The following HDGF variants were observed in gnomAD, a reference collection of about 807,000 sequenced individuals.
HDGF encodes hepatoma-derived growth factor.
HDGF carries 5 observed loss-of-function variants against 30.0 expected under a neutral mutation model. The observed-to-expected ratio is 0.17, with a 90% CI of 0.09 to 0.35. HDGF has a LOEUF of 0.35. Ranked by LOEUF, HDGF falls within the 10% of genes least tolerant of loss-of-function variation. The pLI is 1.00. For synonymous variants in HDGF, 133 were observed against 112.7 expected (o/e 1.18, Z -1.14); for missense variants, 214 against 302.8 (o/e 0.71, Z 2.18).
Position 156,744,347 on chromosome 1 carries a change from G to C in HDGF, c.305C>G (p.Ser102Cys), listed in dbSNP as rs1350362694. The C allele has an allele frequency of 6.2e-7, 1 of 1,613,770 alleles. No homozygotes were observed. The highest frequency in any genetic ancestry group is 8.5e-7 in the Non-Finnish European group (1 of 1,180,004). ...TTCCACACAGCTCTTTTTCTGGGAG[G>C]ACTGCAGCAGAGACAGCACAGGCTG... Reference protein sequence around the residue: ...NPTVKASGYQSSQKKSCVEEP... With the variant: ...NPTVKASGYQCSQKKSCVEEP... Residue 102 changes from serine to cysteine, a missense_variant and splice_region_variant, in exon 4 of 6, where the codon TCC becomes TGC. By Grantham distance (112) the Ser-to-Cys change is moderately radical. Transcript: ENST00000357325.
At chr1:156,765,457 C>CTTCT (rs1186097953) in intron 1 of HDGF, among the ~76,000 whole-genome samples, 35 of 105,042 alleles carry the variant, frequency 3.3e-4, no homozygotes, top group African/African-American at 1.1e-3. Flanking sequence ...TCCTTCTTTC[C>CTTCT]TTCTTTCTTT....
intron 1 of HDGF, among the ~76,000 whole-genome samples, chr1:156,749,764 G>C (rs762174399): frequency 6.7e-6 from 1 of 148,762 alleles, no homozygotes; most frequent in African/African-American, 2.5e-5. Flanking sequence ...ATGCAGAAGG[G>C]GTTCCCTGCA....
In HDGF at chr1:156,760,330, G is replaced by A. The variant is rs537774460; in HGVS notation, n.137-1111C>T. The stretch of plus-strand genomic sequence containing the variant: ...AGAGGCCTGGGGAGGAGAGGACTCA[G>A]GGAGGCGTGTGGGTGAGGGGGGGCC... On this transcript the variant is annotated intron_variant and non_coding_transcript_variant, in intron 1 of 7. Transcript: ENST00000465180. Among the ~76,000 whole-genome samples the A allele has an allele frequency of 1.9e-3, 284 of 152,310 alleles. 1 individual carries two copies. Among genetic ancestry groups the A allele is most frequent in the African/African-American group, 6.4e-3 (265 of 41,558 alleles).
At chr1:156,747,318 C>T (rs1250277989) in intron 1 of HDGF, 1 of 144,260 alleles carries the variant, frequency 6.9e-6, no homozygotes, top group East Asian at 2.2e-4. Flanking sequence ...ACACCCCACC[C>T]CCAAGCCTGC....
upstream of HDGF, among the ~76,000 whole-genome samples, chr1:156,754,403 A>G (rs528475393): frequency 1.9e-3 from 287 of 152,342 alleles, 1 homozygote; most frequent in African/African-American, 6.4e-3. Flanking sequence ...GCTGGTTGCA[A>G]TAATACAACC....
intron 1 of HDGF, among the ~76,000 whole-genome samples, chr1:156,760,347 G>T (rs557897180): frequency 1.3e-5 from 2 of 152,068 alleles, no homozygotes; most frequent in Non-Finnish European, 2.9e-5. Context: ...GTGTGGGTGA[G>T]GGGGGGCCAA....
At chr1:156,747,548 G>A (rs1272849674) in intron 1 of HDGF, 1 of 152,046 alleles carries the variant, frequency 6.6e-6, no homozygotes, top group East Asian at 1.9e-4. Flanking sequence ...AGCGCCCCCA[G>A]GGGTTAGAGA....
chr1:156,754,682 G>A (rs1027740140), upstream of HDGF, among the ~76,000 whole-genome samples: 8 of 151,668 alleles, frequency 5.3e-5, no homozygotes, highest in Admixed American at 1.3e-4. Context: ...GGTGGCTCAC[G>A]CCTGTAATCC....
upstream of HDGF, among the ~76,000 whole-genome samples, chr1:156,756,746 T>G (rs1184790445): frequency 6.6e-6 from 1 of 152,132 alleles, no homozygotes; most frequent in Non-Finnish European, 1.5e-5. Context: ...AACTCCTCTG[T>G]ATATAGATAC....
At chr1:156,749,336 G>A (rs1183976597) in intron 1 of HDGF, among the ~76,000 whole-genome samples, 2 of 152,244 alleles carry the variant, frequency 1.3e-5, no homozygotes, top group African/African-American at 4.8e-5. Flanking sequence ...CTCAGGCTCT[G>A]CCTCTCTAGG....
In HDGF at chr1:156,743,193, C is replaced by T; in HGVS notation, c.*256G>A. On this transcript the variant is annotated 3_prime_UTR_variant, in exon 6 of 6. Transcript: ENST00000357325. ...CTCCAAGCGGAAGGAACACAGTGGC[C>T]TCAACTCATTCCAGGGAGAAGACAT... 1 of 431,172 alleles carries T rather than the reference C, an allele frequency of 2.3e-6. No individual in the cohort carries two copies. Among genetic ancestry groups the T allele is most frequent in the Non-Finnish European group, 4.1e-6 (1 of 242,640 alleles). The allele number at this position is 431,172 out of a possible 1,614,324, so 26.7% of individuals were successfully genotyped here. A position where few individuals can be genotyped will look rare whatever the true frequency, so the allele number is the denominator to read the frequency against.
intron 2 of HDGF, among the ~76,000 whole-genome samples, chr1:156,757,786 CAAA>C (rs60308399): frequency 4.7e-5 from 4 of 85,306 alleles, no homozygotes; most frequent in Non-Finnish European, 7.9e-5. Context: ...GACTCTGTCT[CAAA>C]AAAAAAAAAA....
intron 1 of HDGF, among the ~76,000 whole-genome samples, chr1:156,765,436 T>TC (rs1651338659): frequency 1.0e-5 from 1 of 99,876 alleles, no homozygotes; most frequent in African/African-American, 3.5e-5. Context: ...TCTTTCTTTC[T>TC]TTCCTTTCTT....
upstream of HDGF, among the ~76,000 whole-genome samples, chr1:156,757,397 C>T (rs938647465): frequency 1.3e-5 from 2 of 151,924 alleles, no homozygotes; most frequent in South Asian, 2.1e-4. Context: ...ACCCGGGAGG[C>T]GGAGGTTGCA....
At chr1:156,745,467 C>A in intron 1 of HDGF, 94 bp from the exon 2 acceptor site, 1 of 1,061,586 alleles carries the variant, frequency 9.4e-7, no homozygotes, top group Admixed American at 2.1e-5. Context: ...TATATAAAAT[C>A]AGACTGAGAG....
chr1:156,758,596 A>AAAAG, intron 2 of HDGF, among the ~76,000 whole-genome samples: 1 of 94,152 alleles, frequency 1.1e-5, no homozygotes, highest in Admixed American at 1.3e-4. Context: ...CCGTCTCAAA[A>AAAAG]AAAAAAATAA....
At chr1:156,756,463 A>C (rs1302523973), upstream of HDGF, among the ~76,000 whole-genome samples, 3 of 152,194 alleles carry the variant, frequency 2.0e-5, no homozygotes. Context: ...GAGGGTGTTT[A>C]GGATGGAGTT....
rs78020994 is a variant in HDGF, at chr1:156,765,846, C to T, written n.136+944G>A. On this transcript the variant is annotated intron_variant and non_coding_transcript_variant, in intron 1 of 7. Transcript: ENST00000465180. ...GTGACCGCACAGTCACCAGAGAGTA[C>T]GTTGGGGAACCTAGATTTGAAAGCA... Among the ~76,000 whole-genome samples, 507 of 152,192 alleles carry T rather than the reference C, an allele frequency of 3.3e-3. 1 individual carries two copies. Among genetic ancestry groups the T allele is most frequent in the African/African-American group, 0.012 (484 of 41,524 alleles).
At chr1:156,755,126 A>G (rs1651133909), upstream of HDGF, among the ~76,000 whole-genome samples, 1 of 152,156 alleles carries the variant, frequency 6.6e-6, no homozygotes, top group South Asian at 2.1e-4. Flanking sequence ...CCAATTCACA[A>G]ACGTCTCAGT....
Sources: allele counts gnomAD v4.1 joint callset (sites outside exome capture counted in the v4.1 genomes callset), GRCh38; gene constraint gnomAD v4.1.1; transcripts MANE v1.5; gene names NCBI Gene and HGNC (gene_info 2026-07-23, HGNC 2026-07-21).